The following SORCS1 variants were observed in gnomAD, a reference collection of about 807,000 sequenced individuals.
The protein encoded by SORCS1 is sortilin related VPS10 domain containing receptor 1.
Under a neutral mutation model 146.1 loss-of-function variants are expected in SORCS1, and 60 were observed. The ratio of observed to expected loss-of-function variants is 0.41; its 90% CI spans 0.33 to 0.51. The LOEUF (loss-of-function observed/expected upper bound fraction) is 0.51. Among genes scored for constraint, SORCS1 ranks in the 20% least tolerant of loss-of-function variants. The pLI is 0.21. For missense variants in SORCS1, 1,352 were observed against 1,487.6 expected, an observed-to-expected ratio of 0.91 and a Z score of 1.50; for synonymous variants, 637 against 584.0, an observed-to-expected ratio of 1.09 and a Z score of -1.31.
intron 1 of SORCS1, among the ~76,000 whole-genome samples, chr10:107,123,485 C>A (rs1361780663): frequency 6.6e-6 from 1 of 152,014 alleles, no homozygotes; most frequent in Non-Finnish European, 1.5e-5. Flanking sequence ...CAAAATTAGC[C>A]CAGTACTTAG....
At chr10:106,996,327 G>C (rs1224526066) in intron 1 of SORCS1, among the ~76,000 whole-genome samples, 1 of 151,714 alleles carries the variant, frequency 6.6e-6, no homozygotes, top group African/African-American at 2.4e-5. Flanking sequence ...TCTATACAAG[G>C]GAACAGAATT....
chr10:106,776,520 G>A lies in SORCS1; in HGVS notation c.885+14C>T. 6.2e-7 allele frequency: 1 copy of A among 1,613,532 alleles called. No homozygotes were observed. Among genetic ancestry groups the A allele is most frequent in the South Asian group, 1.1e-5 (1 of 91,036 alleles). On this transcript the variant is annotated intron_variant, in intron 4 of 25. Transcript: ENST00000263054. ...ACCATGCTTCATTGTCTCAAACAAG[G>A]TAAGTATGCTCACCTTTTGGTCTTG...
intron 1 of SORCS1, among the ~76,000 whole-genome samples, chr10:107,076,788 G>T (rs1226059348): frequency 6.6e-6 from 1 of 152,112 alleles, no homozygotes; most frequent in Non-Finnish European, 1.5e-5. Flanking sequence ...CTTTTCTGAG[G>T]TTCTGATGGT....
intron 1 of SORCS1, among the ~76,000 whole-genome samples, chr10:107,072,508 C>T (rs571026570): frequency 7.2e-5 from 11 of 152,126 alleles, no homozygotes; most frequent in Admixed American, 2.6e-4. Flanking sequence ...TTCACTTAAT[C>T]TTCATAACAC....
intron 2 of SORCS1, among the ~76,000 whole-genome samples, chr10:106,932,191 T>G (rs1953455009): frequency 6.6e-6 from 1 of 152,206 alleles, no homozygotes; most frequent in Non-Finnish European, 1.5e-5. Context: ...CATACTATAG[T>G]ATTAATATAG....
intron 3 of SORCS1, among the ~76,000 whole-genome samples, chr10:106,784,326 C>T (rs1226647031): frequency 2.7e-5 from 4 of 149,462 alleles, no homozygotes; most frequent in South Asian, 2.1e-4. Context: ...ACCCAGGAGG[C>T]GGAGCTTGCA....
At chr10:107,158,506 C>T (rs1467585751) in intron 1 of SORCS1, among the ~76,000 whole-genome samples, 2 of 152,178 alleles carry the variant, frequency 1.3e-5, no homozygotes, top group Non-Finnish European at 2.9e-5. Context: ...ACCTACTCTA[C>T]AATCCAGCTT....
intron 2 of SORCS1, among the ~76,000 whole-genome samples, chr10:106,843,502 G>T (rs967391071): frequency 2.1e-5 from 3 of 142,774 alleles, no homozygotes; most frequent in African/African-American, 7.9e-5. Context: ...CGCGATCTCG[G>T]CTCACTGCAA....
At chr10:106,936,460 C>T (rs948903956) in intron 2 of SORCS1, among the ~76,000 whole-genome samples, 3 of 152,148 alleles carry the variant, frequency 2.0e-5, no homozygotes, top group African/African-American at 7.2e-5. Context: ...GGACCAACAC[C>T]AATACCTTCT....
At position 107,164,442 on chromosome 10, in the gene SORCS1, G is replaced by T; in HGVS notation, c.85C>A (p.Pro29Thr). The T allele has an allele frequency of 2.1e-6, 3 of 1,406,744 alleles. No homozygotes were observed. The highest frequency in any genetic ancestry group is 2.8e-6 in the Non-Finnish European group (3 of 1,086,926). The allele number at this position is 1,406,744 out of a possible 1,614,324, so 87.1% of individuals were successfully genotyped here. A position where few individuals can be genotyped will look rare whatever the true frequency, so the allele number is the denominator to read the frequency against. ...CAGGAGCCGCCGCCGCAGACGCCCG[G>T]GGCGCAGAGGATCAAGAGCCCCGCG... is the stretch of plus-strand genomic sequence containing the variant. ...AGAGLLILCA[P>T]GVCGGGSCCP... Residue 29 changes from proline to threonine, a missense_variant, in exon 1 of 26, where the codon CCG becomes ACG. Physicochemically the swap from Pro to Thr is conservative, Grantham distance 38. Coordinates refer to ENST00000263054, the MANE Select transcript of SORCS1 (RefSeq NM_052918.5). This position sits in a 1 kb window ranked among gnomAD's most constrained non-coding sequence, Gnocchi z 6.8.
intron 3 of SORCS1, among the ~76,000 whole-genome samples, chr10:106,798,890 A>C (rs1946727650): frequency 6.6e-6 from 1 of 152,234 alleles, no homozygotes; most frequent in African/African-American, 2.4e-5. Flanking sequence ...TTTGAAGTTC[A>C]TATGGAACCA....
the SORCS1 span, among the ~76,000 whole-genome samples, chr10:107,174,596 T>C: frequency 6.6e-6 from 1 of 152,184 alleles, no homozygotes; most frequent in African/African-American, 2.4e-5. Flanking sequence ...TAATTGATTA[T>C]TGCTAGAATA....
At chr10:106,653,534 C>T (rs1235874301) in intron 17 of SORCS1, among the ~76,000 whole-genome samples, 1 of 152,148 alleles carries the variant, frequency 6.6e-6, no homozygotes, top group East Asian at 1.9e-4. Context: ...CTACTTATCT[C>T]TGCACTTACT....
intron 1 of SORCS1, among the ~76,000 whole-genome samples, chr10:107,041,431 G>A (rs924821885): frequency 5.3e-5 from 8 of 151,582 alleles, no homozygotes; most frequent in African/African-American, 7.3e-5. Context: ...AAAGAAAAGC[G>A]AGAAAGGAGA....
In SORCS1 at chr10:107,092,510, G is replaced by A. The variant is rs191205472; in HGVS notation, c.558+71459C>T. 8.6e-4 allele frequency among the ~76,000 whole-genome samples: 131 copies of A among 152,178 alleles called. 3 individuals are homozygous for A. The highest frequency in any genetic ancestry group is 3.1e-3 in the African/African-American group (129 of 41,516). On this transcript the variant is annotated intron_variant, in intron 1 of 25. Coordinates refer to ENST00000263054, the MANE Select transcript of SORCS1 (RefSeq NM_052918.5). ...GTGCTGCTCTACTCTCAATGGTATCGTTCTCCCTGCCTTGCACATGACAAG... is the reference window on the plus strand; with the variant it reads ...GTGCTGCTCTACTCTCAATGGTATCATTCTCCCTGCCTTGCACATGACAAG...
chr10:106,716,134 C>T (rs1164004045), intron 6 of SORCS1, among the ~76,000 whole-genome samples: 1 of 152,090 alleles, frequency 6.6e-6, no homozygotes, highest in African/African-American at 2.4e-5. Flanking sequence ...AAAATATTCT[C>T]CTTATATAAT....
chr10:107,050,065 C>G (rs945355400), intron 1 of SORCS1, among the ~76,000 whole-genome samples: 1 of 152,170 alleles, frequency 6.6e-6, no homozygotes, highest in African/African-American at 2.4e-5. Flanking sequence ...CCCACTAAAA[C>G]ATGATCCTGT....
At chr10:106,739,816 G>A (rs917421639) in intron 5 of SORCS1, among the ~76,000 whole-genome samples, 3 of 151,944 alleles carry the variant, frequency 2.0e-5, no homozygotes, top group East Asian at 1.9e-4. Context: ...GCTGGATGTG[G>A]TGGTGGGCAC....
chr10:106,585,556 A>G (rs543297043), intron 24 of SORCS1, among the ~76,000 whole-genome samples: 1 of 152,196 alleles, frequency 6.6e-6, no homozygotes, highest in Non-Finnish European at 1.5e-5. Flanking sequence ...AGTCAGCCTC[A>G]TGTAGATATG....
Sources: gnomAD v4.1 joint callset for allele counts (sites outside exome capture counted in the v4.1 genomes callset) on GRCh38, gnomAD v4.1.1 for gene constraint, Gnocchi (gnomAD v3.1) non-coding constraint, MANE v1.5 for transcripts, NCBI Gene and HGNC (gene_info 2026-07-23, HGNC 2026-07-21) for gene names.